EXOC4: variants seen among roughly 807,000 people sequenced by gnomAD.
EXOC4 encodes the protein exocyst complex component 4.
EXOC4 carries 71 observed loss-of-function variants against 107.2 expected under a neutral mutation model. The ratio of observed to expected loss-of-function variants is 0.66; its 90% CI spans 0.55 to 0.81. EXOC4 has a LOEUF of 0.81. Among genes scored for constraint, EXOC4 ranks in the 30% least tolerant of loss-of-function variants. EXOC4 has a pLI of 0.00. For synonymous variants in EXOC4, 456 were observed against 441.2 expected, an observed-to-expected ratio of 1.03 and a Z score of -0.42; for missense variants, 1,108 against 1,189.6, an observed-to-expected ratio of 0.93 and a Z score of 1.01.
rs537647237 is a variant in EXOC4 at position 133,698,882 on chromosome 7, CAATA to C, written c.1514+68745_1514+68748del. ...TATGGAAATTAAAAGCTGACTGTAA[CAATA>C]AATTATGAAAATGAAAAAGTAGGCA... On this transcript the variant is annotated intron_variant, in intron 10 of 17. Transcript: ENST00000253861. 3.6e-3 allele frequency among the ~76,000 whole-genome samples: 549 copies of C among 152,114 alleles called. 3 individuals are homozygous for C. Among genetic ancestry groups the C allele is most frequent in the Non-Finnish European group, 5.2e-3 (356 of 67,992 alleles).
intron 10 of EXOC4, among the ~76,000 whole-genome samples, chr7:133,756,125 C>T (rs1047503194): frequency 4.6e-5 from 7 of 152,188 alleles, no homozygotes; most frequent in Admixed American, 4.6e-4. Flanking sequence ...TTTTCTCTTA[C>T]ACAGCATATT....
Position 133,554,614 on chromosome 7 carries a change from C to T in EXOC4, c.1417+74476C>T, listed in dbSNP as rs1460312770. Among the ~76,000 whole-genome samples the T allele has an allele frequency of 2.0e-5, 3 of 152,110 alleles. No homozygotes were observed. In the East Asian group the frequency reaches 5.8e-4, roughly 29 times the overall value. On this transcript the variant is annotated intron_variant, in intron 9 of 17. Coordinates refer to ENST00000253861, the MANE Select transcript of EXOC4 (RefSeq NM_021807.4). Reference sequence around the variant, plus strand: ...GGTTTTGTGGCCATTGTCATTTCCTCCTCATTATTTGAAACCTGTCCTTTC... The same window carrying T: ...GGTTTTGTGGCCATTGTCATTTCCTTCTCATTATTTGAAACCTGTCCTTTC...
chr7:133,642,854 A>G (rs531410143), intron 10 of EXOC4, among the ~76,000 whole-genome samples: 2 of 152,064 alleles, frequency 1.3e-5, no homozygotes, highest in East Asian at 1.9e-4. Context: ...GCTATTTTCA[A>G]AATTTTTTTC....
intron 17 of EXOC4, chr7:134,009,992 C>G (rs1794728068): frequency 1.3e-5 from 2 of 152,020 alleles, no homozygotes; most frequent in Non-Finnish European, 2.9e-5. Context: ...TGAATTGTGT[C>G]CCAGGAAGTA....
chr7:133,257,854 A>G (rs1475299369), intron 1 of EXOC4, among the ~76,000 whole-genome samples: 3 of 152,198 alleles, frequency 2.0e-5, no homozygotes, highest in African/African-American at 7.2e-5. Context: ...CTTGGAGAGT[A>G]TTTTGGTCAG....
intron 2 of EXOC4, among the ~76,000 whole-genome samples, chr7:133,281,095 T>G (rs1350150254): frequency 6.6e-6 from 1 of 151,892 alleles, no homozygotes; most frequent in East Asian, 1.9e-4. Context: ...GAACTTAGAG[T>G]GGCAGCTGAA....
At chr7:133,392,660 A>C (rs977108332) in intron 7 of EXOC4, among the ~76,000 whole-genome samples, 1 of 152,192 alleles carries the variant, frequency 6.6e-6, no homozygotes, top group African/African-American at 2.4e-5. Flanking sequence ...GAAAAATTTC[A>C]GGTTCCTGGA....
At chr7:133,927,444 A>G (rs1218376554) in intron 13 of EXOC4, among the ~76,000 whole-genome samples, 1 of 152,230 alleles carries the variant, frequency 6.6e-6, no homozygotes. Context: ...GGAATTTGAA[A>G]GGTTCTCAAC....
intron 10 of EXOC4, among the ~76,000 whole-genome samples, chr7:133,776,542 G>A (rs10247185): frequency 0.99 from 150,291 of 152,300 alleles, 74,196 homozygotes; most frequent in Middle Eastern, 1. Context: ...TGAATGATGG[G>A]TTGGGATCCA....
chr7:133,635,648 A>G (rs891055934), intron 10 of EXOC4, among the ~76,000 whole-genome samples: 3 of 152,196 alleles, frequency 2.0e-5, no homozygotes, highest in African/African-American at 7.2e-5. Context: ...TCATAACCAC[A>G]GAGTCCCAGT....
chr7:133,666,542 G>A (rs1296835970), intron 10 of EXOC4, among the ~76,000 whole-genome samples: 1 of 152,042 alleles, frequency 6.6e-6, no homozygotes, highest in East Asian at 1.9e-4. Context: ...TTATGCTAAT[G>A]GGGATGGAAA....
chr7:133,952,969 T>C (rs1237414230), intron 14 of EXOC4, among the ~76,000 whole-genome samples: 2 of 152,198 alleles, frequency 1.3e-5, no homozygotes, highest in African/African-American at 2.4e-5. Context: ...TGGACAAATA[T>C]CTGTTCAAGT....
intron 9 of EXOC4, among the ~76,000 whole-genome samples, chr7:133,552,156 A>G (rs758065907): frequency 2.3e-4 from 35 of 152,190 alleles, no homozygotes; most frequent in Non-Finnish European, 4.6e-4. Flanking sequence ...CAGTTGTTTT[A>G]TATCATTAAG....
At chr7:133,563,355 C>T (rs1397041899) in intron 9 of EXOC4, among the ~76,000 whole-genome samples, 2 of 152,192 alleles carry the variant, frequency 1.3e-5, no homozygotes, top group African/African-American at 4.8e-5. Context: ...TCATGAACAT[C>T]TGTAAAGCAT....
At chr7:133,629,782 A>T (rs1330548263) in intron 9 of EXOC4, among the ~76,000 whole-genome samples, 13 of 151,426 alleles carry the variant, frequency 8.6e-5, no homozygotes, top group Admixed American at 7.9e-4. Flanking sequence ...GCCTCAAGTG[A>T]TCCACCCTCC....
intron 6 of EXOC4, among the ~76,000 whole-genome samples, chr7:133,358,312 T>G (rs1261456865): frequency 6.6e-6 from 1 of 152,186 alleles, no homozygotes; most frequent in African/African-American, 2.4e-5. Context: ...TTTGCAAAAA[T>G]TAACCTGTCT....
At chr7:133,933,376 A>G (rs1800225305) in intron 13 of EXOC4, among the ~76,000 whole-genome samples, 1 of 152,174 alleles carries the variant, frequency 6.6e-6, no homozygotes, top group Admixed American at 6.5e-5. Context: ...TTGGAAGGCA[A>G]GTCCTCAGAT....
At chr7:134,053,678 T>G (rs1333774233) in intron 17 of EXOC4, among the ~76,000 whole-genome samples, 3 of 151,640 alleles carry the variant, frequency 2.0e-5, no homozygotes, top group African/African-American at 7.2e-5. Flanking sequence ...TTGATGAGGA[T>G]GGAGCAAGTA....
chr7:133,278,040 G>T (rs1449553467), intron 2 of EXOC4, among the ~76,000 whole-genome samples: 1 of 151,524 alleles, frequency 6.6e-6, no homozygotes, highest in African/African-American at 2.4e-5. Context: ...TCTATTTTCT[G>T]CCAAAAGAAT....
Sources: gnomAD v4.1 joint callset for allele counts (sites outside exome capture counted in the v4.1 genomes callset) on GRCh38, gnomAD v4.1.1 for gene constraint, MANE v1.5 for transcripts, NCBI Gene and HGNC (gene_info 2026-07-23, HGNC 2026-07-21) for gene names.